Variants in ZC3H8 observed in about 807,000 individuals in gnomAD.
ZC3H8 encodes zinc finger CCCH domain-containing protein 8.
Under a neutral mutation model 42.5 loss-of-function variants are expected in ZC3H8, and 27 were observed. That is an observed-to-expected ratio of 0.64 (90% CI 0.47 to 0.88). The LOEUF (loss-of-function observed/expected upper bound fraction) is 0.88, where lower values mean the gene tolerates loss of function less well. Ranked by LOEUF, ZC3H8 falls within the 40% of genes least tolerant of loss-of-function variation. The probability of loss-of-function intolerance (pLI) is 0.00; values close to 1 mark genes in which losing one functional copy is unlikely to be tolerated. For missense variants in ZC3H8, 277 were observed against 336.1 expected (o/e 0.82, Z 1.37); for synonymous variants, 101 against 110.1 (o/e 0.92, Z 0.52).
Position 112,231,907 on chromosome 2 carries a change from A to G in ZC3H8, c.774T>C (p.Cys258=), listed in dbSNP as rs763332483. The G allele has an allele frequency of 1.9e-6, 3 of 1,588,418 alleles. No individual in the cohort carries two copies. The South Asian group carries it at 3.5e-5, about 18-fold the overall frequency. Residue 258 remains cysteine (C), a synonymous_variant, in exon 7 of 9, where the codon TGT becomes TGC. Coordinates refer to ENST00000409573, the MANE Select transcript of ZC3H8 (RefSeq NM_032494.3). ...AAAACTTGCAGTATTCTCCCTGATA[A>G]CATTTTGTTCCTGTATGGTAAAACT... ...PCKFYHTGTK[C]YQGEYCKFSH...
At chr2:112,220,434 C>T (rs146015259) in intron 8 of ZC3H8, among the ~76,000 whole-genome samples, 1 of 152,078 alleles carries the variant, frequency 6.6e-6, no homozygotes, top group African/African-American at 2.4e-5. Flanking sequence ...ATATAAAATT[C>T]TTGGTTGAAA....
At chr2:112,242,306 G>C (rs1174875789) in intron 2 of ZC3H8, among the ~76,000 whole-genome samples, 1 of 152,104 alleles carries the variant, frequency 6.6e-6, no homozygotes, top group African/African-American at 2.4e-5. Flanking sequence ...CATGACACTT[G>C]AAAACTATAT....
intron 2 of ZC3H8, chr2:112,240,589 C>T (rs1339914137): frequency 6.6e-5 from 10 of 152,148 alleles, no homozygotes; most frequent in African/African-American, 1.9e-4. Context: ...ACTCCTTTTA[C>T]GACAAGTAAT....
chr2:112,237,478 C>T (rs2104659325), intron 3 of ZC3H8, among the ~76,000 whole-genome samples: 1 of 152,296 alleles, frequency 6.6e-6, no homozygotes, highest in East Asian at 1.9e-4. Context: ...CCTGCAATGG[C>T]ATAATCATAG....
In ZC3H8 at chr2:112,214,971, A is replaced by G. The variant is rs973061808; in HGVS notation, c.*1513T>C. 3 of 152,162 alleles carry G rather than the reference A, an allele frequency of 2.0e-5. No individual in the cohort carries two copies. The highest frequency in any genetic ancestry group is 7.2e-5 in the African/African-American group (3 of 41,438). 9.4% of individuals were successfully genotyped at this position (152,162 alleles called of 1,614,324 possible). A position where few individuals can be genotyped will look rare whatever the true frequency, so the allele number is the denominator to read the frequency against. ...CTCTATTTGACTTCTGAGTCCCTCA[A>G]ATCTCTGCGGTGTCTTTTAAGTTTA... On this transcript the variant is annotated 3_prime_UTR_variant, in exon 9 of 9. Coordinates refer to ENST00000409573, the MANE Select transcript of ZC3H8 (RefSeq NM_032494.3).
At chr2:112,236,784 T>C (rs904120560) in intron 3 of ZC3H8, 89 bp from the exon 4 acceptor site, 2 of 1,185,978 alleles carry the variant, frequency 1.7e-6, no homozygotes, top group East Asian at 2.6e-5. Flanking sequence ...CAGTGGCTCA[T>C]GTCTGTAATC....
chr2:112,250,155 C>T lies in ZC3H8; in HGVS notation c.156+36G>A, dbSNP rs747873107. 1.5e-5 allele frequency: 22 copies of T among 1,462,860 alleles called. No individual in the cohort carries two copies. The East Asian group carries it at 1.7e-4, about 12-fold the overall frequency. 90.6% of individuals were successfully genotyped at this position (1,462,860 alleles called of 1,614,324 possible). ...TGTGAAACTGAGAAAAAAAAATCTG[C>T]GTTTTCAACTTAAACAGTGGTCAAC... On this transcript the variant is annotated intron_variant, in intron 2 of 8. Transcript: ENST00000409573.
intron 3 of ZC3H8, 50 bp from the exon 4 acceptor site, chr2:112,236,745 T>TCCTTC: frequency 6.6e-7 from 1 of 1,514,520 alleles, no homozygotes; most frequent in Non-Finnish European, 8.9e-7. Flanking sequence ...ACAATAGCAG[T>TCCTTC]TTACTTTTAA....
At chr2:112,230,780 T>C in intron 8 of ZC3H8, 123 bp downstream of exon 8, 1 of 574,894 alleles carries the variant, frequency 1.7e-6, no homozygotes, top group Non-Finnish European at 2.7e-6. Context: ...TATTTTATAA[T>C]TCTTTTTTAG....
chr2:112,248,596 T>C, intron 2 of ZC3H8, among the ~76,000 whole-genome samples: 1 of 152,122 alleles, frequency 6.6e-6, no homozygotes, highest in Non-Finnish European at 1.5e-5. Flanking sequence ...GTTTAAGCGA[T>C]TCTCCTGCCT....
chr2:112,243,017 A>C (rs572933615), intron 2 of ZC3H8, among the ~76,000 whole-genome samples: 1 of 152,350 alleles, frequency 6.6e-6, no homozygotes, highest in East Asian at 1.9e-4. Context: ...CAGCTGCTCA[A>C]AGATATGAGG....
intron 8 of ZC3H8, among the ~76,000 whole-genome samples, chr2:112,229,983 G>A (rs1685022225): frequency 6.7e-6 from 1 of 149,382 alleles, no homozygotes; most frequent in Non-Finnish European, 1.5e-5. Flanking sequence ...TCCACAAAAT[G>A]GGAGAAGGCC....
chr2:112,241,439 A>AC (rs139470653), intron 2 of ZC3H8, among the ~76,000 whole-genome samples: 1,891 of 150,826 alleles, frequency 0.013, 51 homozygotes, highest in African/African-American at 0.042. Context: ...CTGTCCAGAG[A>AC]CCCCCCCCTC....
At chr2:112,253,515 A>G (rs977076413) in intron 1 of ZC3H8, among the ~76,000 whole-genome samples, 2 of 152,394 alleles carry the variant, frequency 1.3e-5, no homozygotes, top group African/African-American at 4.8e-5. Flanking sequence ...CCATAGGCAA[A>G]GACAAATGAC....
intron 2 of ZC3H8, among the ~76,000 whole-genome samples, chr2:112,238,901 TGC>T (rs1685464254): frequency 6.6e-6 from 1 of 152,232 alleles, no homozygotes; most frequent in Non-Finnish European, 1.5e-5. Context: ...TTTCTGCCTT[TGC>T]ATTGACAGTA....
At position 112,212,801 on chromosome 2, in the gene ZC3H8, C is replaced by G. The variant is rs1377967215; in HGVS notation, c.*3683G>C. On this transcript the variant is annotated 3_prime_UTR_variant, in exon 9 of 9. Coordinates refer to ENST00000409573, the MANE Select transcript of ZC3H8 (RefSeq NM_032494.3). ...AAAATAGATTTAAAATGCATAGACA[C>G]AATCCTAGCATTCAGCAGGTGCTCA... 3.3e-5 allele frequency: 5 copies of G among 152,032 alleles called. No homozygotes were observed. The highest frequency in any genetic ancestry group is 1.2e-4 in the African/African-American group (5 of 41,398). The allele number at this position is 152,032 out of a possible 1,614,324, so 9.4% of individuals were successfully genotyped here.
intron 2 of ZC3H8, among the ~76,000 whole-genome samples, chr2:112,249,026 G>A (rs189577492): frequency 9.7e-4 from 147 of 152,174 alleles, no homozygotes; most frequent in Middle Eastern, 3.4e-3. Context: ...GAAACCCCAT[G>A]TATATTTTTT....
At chr2:112,230,131 TAAGAA>T (rs968660082) in intron 8 of ZC3H8, among the ~76,000 whole-genome samples, 1 of 152,156 alleles carries the variant, frequency 6.6e-6, no homozygotes, top group African/African-American at 2.4e-5. Context: ...CCAGTAAGCA[TAAGAA>T]AAGATGCTGC....
chr2:112,223,364 G>A (rs1684677917), intron 8 of ZC3H8, among the ~76,000 whole-genome samples: 1 of 151,700 alleles, frequency 6.6e-6, no homozygotes, highest in African/African-American at 2.4e-5. Context: ...CAAATTTCTA[G>A]AAACACACAA....
Sources: gnomAD v4.1 joint callset for allele counts (sites outside exome capture counted in the v4.1 genomes callset) on GRCh38, gnomAD v4.1.1 for gene constraint, MANE v1.5 for transcripts, NCBI Gene and HGNC (gene_info 2026-07-23, HGNC 2026-07-21) for gene names.